KIAA0319: variants seen among roughly 807,000 people sequenced by gnomAD.
KIAA0319 encodes KIAA0319.
KIAA0319 carries 83 observed loss-of-function variants against 108.4 expected under a neutral mutation model. The observed-to-expected ratio is 0.77, with a 90% confidence interval of 0.64 to 0.92. The LOEUF (loss-of-function observed/expected upper bound fraction) is 0.92. KIAA0319 is among the 40% of genes least tolerant of loss of function. The pLI is 0.00. For synonymous variants in KIAA0319, 484 were observed against 510.4 expected (o/e 0.95, Z 0.70); for missense variants, 1,195 against 1,322.4 (o/e 0.90, Z 1.49).
rs147719361 is a variant in KIAA0319, at chr6:24,576,435, T to C, written c.1667A>G (p.Asp556Gly). ...CCACTCATAGAGGACAATCTGGTGA[T>C]CGTCACTGCTCTGGTTTCCATTCAA... ...ITLNGNQSSDDHQIVLYEWSL... is the reference protein window; with the variant it reads ...ITLNGNQSSDGHQIVLYEWSL... The change falls in exon 10 of 21, where the codon GAT becomes GGT. Residue 556 changes from aspartate (D) to glycine (G), a missense_variant. Transcript: ENST00000378214. 12 of 1,614,158 alleles carry C rather than the reference T, an allele frequency of 7.4e-6. No homozygotes were observed. In the Admixed American group the frequency reaches 1.7e-4, roughly 22 times the overall value.
chr6:24,566,892 C>A, intron 13 of KIAA0319, 144 bp from the exon 14 acceptor site: 1 of 647,404 alleles, frequency 1.5e-6, no homozygotes, highest in African/African-American at 1.9e-5. Context: ...CATTTTTTTC[C>A]CCAGATGCAT....
chr6:24,584,826 G>C (rs1354254813), intron 4 of KIAA0319, among the ~76,000 whole-genome samples: 1 of 152,068 alleles, frequency 6.6e-6, no homozygotes, highest in African/African-American at 2.4e-5. Context: ...TTGCCCCAAG[G>C]GCTTTAAAAT....
intron 20 of KIAA0319, among the ~76,000 whole-genome samples, chr6:24,549,326 C>CA (rs35975247): frequency 0.011 from 1,245 of 115,570 alleles, 33 homozygotes; most frequent in Non-Finnish European, 0.013. Context: ...ACTCTGTCTC[C>CA]AAAAAAAAAA....
intron 14 of KIAA0319, among the ~76,000 whole-genome samples, chr6:24,565,912 C>A (rs1464750599): frequency 6.6e-6 from 1 of 152,106 alleles, no homozygotes; most frequent in Admixed American, 6.6e-5. Context: ...AGAAAAGAAT[C>A]CACTTGGACC....
chr6:24,569,558 G>T (rs1170267975), intron 12 of KIAA0319, among the ~76,000 whole-genome samples: 1 of 152,176 alleles, frequency 6.6e-6, no homozygotes, highest in Non-Finnish European at 1.5e-5. Flanking sequence ...GATGATATGG[G>T]TCGCCCCTTA....
Position 24,551,437 on chromosome 6 carries a change from A to G in KIAA0319, c.3037T>C (p.Tyr1013His). The change falls in exon 20 of 21, where the codon TAT becomes CAT. Residue 1013 changes from tyrosine (Y) to histidine (H), a missense_variant. By Grantham distance (83) the Tyr-to-His change is moderately conservative (BLOSUM62 2). Coordinates refer to ENST00000378214, the MANE Select transcript of KIAA0319 (RefSeq NM_014809.4). ...EQERMELRPK[Y>H]GIKHRSTEHN... The stretch of plus-strand genomic sequence containing the variant: ...GTCATTCTGCAGACTGTCTTACCAT[A>G]TTTGGGCCTCAGTTCCATTCTTTCC... 6.2e-7 allele frequency: 1 copy of G among 1,604,460 alleles called. No homozygotes were observed. Among genetic ancestry groups the G allele is most frequent in the Non-Finnish European group, 8.5e-7 (1 of 1,171,146 alleles).
intron 17 of KIAA0319, among the ~76,000 whole-genome samples, chr6:24,557,231 G>T (rs1762428539): frequency 2.0e-5 from 3 of 152,214 alleles, no homozygotes; most frequent in South Asian, 4.1e-4. Context: ...GCTGGGTGCG[G>T]TTGCTCACGC....
chr6:24,598,889 A>T (rs1164983470), intron 2 of KIAA0319: 1 of 345,128 alleles, frequency 2.9e-6, no homozygotes, highest in East Asian at 5.8e-5. Context: ...AAAAAAAAAT[A>T]AAAAGTAAAA....
At chr6:24,551,151 T>C (rs1180338330) in intron 20 of KIAA0319, among the ~76,000 whole-genome samples, 1 of 151,550 alleles carries the variant, frequency 6.6e-6, no homozygotes, top group Non-Finnish European at 1.5e-5. Flanking sequence ...GCTAATTTTT[T>C]TTTTTTTTGT....
At chr6:24,598,205 G>T in intron 2 of KIAA0319, 1 of 499,184 alleles carries the variant, frequency 2.0e-6, no homozygotes, top group Non-Finnish European at 3.7e-6. Context: ...GGCGGGACCA[G>T]TGGTATGGAG....
chr6:24,622,859 C>T (rs906016130), intron 1 of KIAA0319, among the ~76,000 whole-genome samples: 4 of 151,948 alleles, frequency 2.6e-5, no homozygotes, highest in Non-Finnish European at 4.4e-5. Context: ...GCCTGGCCAA[C>T]GAAACCCTGT....
rs1400775464 is a variant in KIAA0319, at chr6:24,611,259, G to A, written c.-105-10051C>T. 2.6e-5 allele frequency among the ~76,000 whole-genome samples: 4 copies of A among 152,060 alleles called. No individual in the cohort carries two copies. The South Asian group carries it at 8.3e-4, about 32-fold the overall frequency. ...GTAATCCCAGCACCCAGCACTTTGG[G>A]AGGCCAAGGTGGGCAGATCACCTGA... On this transcript the variant is annotated intron_variant, in intron 1 of 20. Coordinates refer to ENST00000378214, the MANE Select transcript of KIAA0319 (RefSeq NM_014809.4).
intron 1 of KIAA0319, among the ~76,000 whole-genome samples, chr6:24,640,007 A>G (rs1424912077): frequency 6.6e-6 from 1 of 150,674 alleles, no homozygotes; most frequent in African/African-American, 2.5e-5. Context: ...ACATTAAAGT[A>G]TAGTAAGGTC....
chr6:24,572,651 A>AT lies in KIAA0319; in HGVS notation c.1781dup (p.Asp594GlufsTer27). On this transcript the variant is annotated frameshift_variant, in exon 11 of 21. Coordinates refer to ENST00000378214, the MANE Select transcript of KIAA0319 (RefSeq NM_014809.4). LOFTEE classifies it high-confidence loss of function. Reference sequence around the variant, plus strand: ...CTGTCACCTTCAGCTGAAATGTATAATCTCCTTCCTGCATTGCAGATAAAT... The same window carrying AT: ...CTGTCACCTTCAGCTGAAATGTATAATTCTCCTTCCTGCATTGCAGATAAAT... 6.2e-7 allele frequency: 1 copy of AT among 1,613,972 alleles called. No homozygotes were observed. The highest frequency in any genetic ancestry group is 8.5e-7 in the Non-Finnish European group (1 of 1,179,892).
intron 3 of KIAA0319, among the ~76,000 whole-genome samples, chr6:24,595,554 A>AC (rs1769366485): frequency 6.8e-6 from 1 of 147,804 alleles, no homozygotes; most frequent in Non-Finnish European, 1.5e-5. Flanking sequence ...CTCAAAAAAA[A>AC]AAAAAAAAAA....
At chr6:24,549,824 A>G (rs1344692922) in intron 20 of KIAA0319, among the ~76,000 whole-genome samples, 2 of 152,150 alleles carry the variant, frequency 1.3e-5, no homozygotes, top group African/African-American at 4.8e-5. Context: ...GGTGATGGTA[A>G]TGACGAGGAA....
intron 14 of KIAA0319, among the ~76,000 whole-genome samples, chr6:24,565,836 T>A (rs1236857420): frequency 6.6e-6 from 1 of 152,042 alleles, no homozygotes; most frequent in East Asian, 1.9e-4. Context: ...CATTTCGCCT[T>A]CTGCATCTAT....
intron 20 of KIAA0319, among the ~76,000 whole-genome samples, chr6:24,550,655 T>C (rs1359080623): frequency 1.3e-5 from 2 of 152,184 alleles, no homozygotes; most frequent in Non-Finnish European, 2.9e-5. Flanking sequence ...AATGTTAGGC[T>C]TTAAAGTCCA....
chr6:24,588,705 T>C lies in KIAA0319; in HGVS notation c.882A>G (p.Thr294=), dbSNP rs779154668. The C allele has an allele frequency of 1.9e-6, 3 of 1,613,904 alleles. No homozygotes were observed. The highest frequency in any genetic ancestry group is 3.3e-5 in the Admixed American group (2 of 59,988). The change falls in exon 4 of 21, where the codon ACA becomes ACG. Residue 294 remains threonine (T), a synonymous_variant. Transcript: ENST00000378214. ...TGTGCTCTGTACTCCCCGGGGTGAC[T>C]GTGAGCACTGGGCTTTTCTCCACGG... ...SVTVEKSPVL[T]VTPGSTEHSI... is the part of the protein sequence containing the mutation.
Sources: allele counts gnomAD v4.1 joint callset (sites outside exome capture counted in the v4.1 genomes callset), GRCh38; gene constraint gnomAD v4.1.1; transcripts MANE v1.5; gene names NCBI Gene and HGNC (gene_info 2026-07-23, HGNC 2026-07-21).